Variants in LRRC49 observed in about 807,000 individuals in gnomAD.
The protein encoded by LRRC49 is leucine-rich repeat-containing protein 49.
In LRRC49, 50 loss-of-function variants were observed where a neutral mutation model predicts 83.3. The ratio of observed to expected loss-of-function variants is 0.60; its 90% CI spans 0.48 to 0.76. LRRC49 has a LOEUF of 0.76. Among genes scored for constraint, LRRC49 ranks in the 30% least tolerant of loss-of-function variants. The probability of loss-of-function intolerance (pLI) is 0.00; values close to 1 mark genes in which losing one functional copy is unlikely to be tolerated. For missense variants in LRRC49, 704 were observed against 809.1 expected (o/e 0.87, Z 1.58); for synonymous variants, 286 against 283.3 (o/e 1.01, Z -0.10).
intron 5 of LRRC49, among the ~76,000 whole-genome samples, chr15:70,906,964 A>G (rs1386356016): frequency 2.0e-5 from 3 of 152,196 alleles, no homozygotes; most frequent in African/African-American, 4.8e-5. Flanking sequence ...AAAACTTTCC[A>G]TATTCTCCCC....
intron 8 of LRRC49, among the ~76,000 whole-genome samples, chr15:70,963,108 CAAAAT>C (rs2036664634): frequency 1.3e-5 from 2 of 151,056 alleles, no homozygotes; most frequent in Non-Finnish European, 1.5e-5. Flanking sequence ...ATTTTGTAGA[CAAAAT>C]AAAAAGTAAA....
At chr15:70,914,451 G>A (rs2034677906) in intron 6 of LRRC49, among the ~76,000 whole-genome samples, 1 of 152,138 alleles carries the variant, frequency 6.6e-6, no homozygotes, top group Non-Finnish European at 1.5e-5. Flanking sequence ...GAAATGGATT[G>A]GGAAGTAGAG....
At chr15:70,866,488 T>C (rs1412566716) in intron 1 of LRRC49, among the ~76,000 whole-genome samples, 1 of 152,130 alleles carries the variant, frequency 6.6e-6, no homozygotes, top group Non-Finnish European at 1.5e-5. Context: ...CACTGGTAAT[T>C]TCCATACCCC....
intron 14 of LRRC49, among the ~76,000 whole-genome samples, chr15:71,016,840 T>C (rs563447488): frequency 1.3e-5 from 2 of 148,688 alleles, no homozygotes; most frequent in Non-Finnish European, 2.9e-5. Context: ...GCATGGTGGC[T>C]CACGCCTGTA....
At chr15:70,941,731 A>T (rs2035824536) in intron 8 of LRRC49, among the ~76,000 whole-genome samples, 1 of 152,200 alleles carries the variant, frequency 6.6e-6, no homozygotes, top group Admixed American at 6.5e-5. Context: ...TGCTGTAAGT[A>T]CAAAAATACA....
chr15:70,971,593 G>A (rs2037001983), intron 9 of LRRC49, among the ~76,000 whole-genome samples: 1 of 152,094 alleles, frequency 6.6e-6, no homozygotes, highest in Non-Finnish European at 1.5e-5. Context: ...TTATTATTGT[G>A]TGGGAGTCTA....
At chr15:71,038,219 C>T (rs1182557732) in intron 15 of LRRC49, among the ~76,000 whole-genome samples, 1 of 152,108 alleles carries the variant, frequency 6.6e-6, no homozygotes, top group East Asian at 1.9e-4. Context: ...TCAATATCTA[C>T]ATATGTATCT....
intron 11 of LRRC49, among the ~76,000 whole-genome samples, chr15:70,990,484 GGAAAA>G (rs2037829296): frequency 6.6e-6 from 1 of 152,184 alleles, no homozygotes; most frequent in Admixed American, 6.5e-5. Context: ...TAAGCCCATC[GGAAAA>G]GCACAGTATT....
rs151155083 is a variant in LRRC49, at chr15:71,000,203, A to C, written c.1170-8176A>C. ...TTTATTAGATTCCAGATTTCTGAAAAAGTTGATTTTGTTTTTGGGGTTTTT... is the reference window on the plus strand; with the variant it reads ...TTTATTAGATTCCAGATTTCTGAAACAGTTGATTTTGTTTTTGGGGTTTTT... On this transcript the variant is annotated intron_variant, in intron 11 of 15. Coordinates refer to ENST00000260382, the MANE Select transcript of LRRC49 (RefSeq NM_017691.5). Among the ~76,000 whole-genome samples, 20 of 152,264 alleles carry C rather than the reference A, an allele frequency of 1.3e-4. No homozygotes were observed. In the East Asian group the frequency reaches 3.9e-3, roughly 29 times the overall value.
upstream of LRRC49, chr15:70,891,872 C>T (rs753190701): frequency 3.1e-6 from 5 of 1,606,396 alleles, no homozygotes; most frequent in Non-Finnish European, 4.2e-6. Context: ...CTTCCCAGCT[C>T]GGGGGCGTGT....
At chr15:70,980,079 CT>C in intron 9 of LRRC49, 21 bp from the exon 10 acceptor site, 1 of 1,538,542 alleles carries the variant, frequency 6.5e-7, no homozygotes. Context: ...CTTCATAATA[CT>C]TTTCGGAAAA....
chr15:70,980,772 G>C (rs1411521502), intron 10 of LRRC49, among the ~76,000 whole-genome samples: 1 of 151,936 alleles, frequency 6.6e-6, no homozygotes, highest in Non-Finnish European at 1.5e-5. Flanking sequence ...GCAGCTTTAA[G>C]TTTATAGTTC....
intron 10 of LRRC49, among the ~76,000 whole-genome samples, chr15:70,981,966 A>C: frequency 7.4e-6 from 1 of 134,496 alleles, no homozygotes; most frequent in Non-Finnish European, 1.5e-5. Context: ...ATTAATCCCC[A>C]CCTGACATTA....
At chr15:70,955,273 G>T (rs1490804192) in intron 8 of LRRC49, among the ~76,000 whole-genome samples, 2 of 152,266 alleles carry the variant, frequency 1.3e-5, no homozygotes, top group African/African-American at 2.4e-5. Context: ...GCCTCAGGCA[G>T]GTCCTTCAAG....
At chr15:71,039,865 G>C (rs1482349099) in intron 15 of LRRC49, among the ~76,000 whole-genome samples, 4 of 152,094 alleles carry the variant, frequency 2.6e-5, no homozygotes, top group African/African-American at 7.2e-5. Context: ...GAATTCTAAT[G>C]ATTTTAAAAT....
rs550121261 is a variant in LRRC49 at position 70,990,615 on chromosome 15, G to A, written c.1169+6358G>A. ...GTGAGGCAATGCCTCACCCTGCTTC[G>A]GCTCATGCATGGTGCGCTGCACCCA... On this transcript the variant is annotated intron_variant, in intron 11 of 15. Transcript: ENST00000260382. Among the ~76,000 whole-genome samples the A allele has an allele frequency of 6.1e-4, 93 of 152,254 alleles. 1 individual carries two copies. Among genetic ancestry groups the A allele is most frequent in the Middle Eastern group, 6.8e-3 (2 of 294 alleles).
chr15:70,979,141 C>T (rs1194969674), intron 9 of LRRC49, among the ~76,000 whole-genome samples: 1 of 151,994 alleles, frequency 6.6e-6, no homozygotes, highest in African/African-American at 2.4e-5. Context: ...ATCTGACAGT[C>T]TTCGGGGGAA....
intron 2 of LRRC49, chr15:70,882,443 A>ATGTTGAGTTTTTAACATGTT: frequency 1.3e-6 from 2 of 1,598,154 alleles, no homozygotes; most frequent in Non-Finnish European, 1.7e-6. Context: ...AGAGCATTTG[A>ATGTTGAGTTTTTAACATGTT]TGTTGAGTTT....
chr15:70,962,812 T>C (rs2036650693), intron 8 of LRRC49, among the ~76,000 whole-genome samples: 1 of 152,098 alleles, frequency 6.6e-6, no homozygotes, highest in African/African-American at 2.4e-5. Context: ...TCCCACTCCC[T>C]GAGTGTGGGC....
Sources: gnomAD v4.1 joint callset for allele counts (sites outside exome capture counted in the v4.1 genomes callset) on GRCh38, gnomAD v4.1.1 for gene constraint, MANE v1.5 for transcripts, NCBI Gene and HGNC (gene_info 2026-07-23, HGNC 2026-07-21) for gene names.